DLGAP2: variants seen among roughly 807,000 people sequenced by gnomAD.
The protein encoded by DLGAP2 is disks large-associated protein 2.
In DLGAP2, 26 loss-of-function variants were observed where a neutral mutation model predicts 100.3. The observed-to-expected ratio is 0.26, with a 90% CI of 0.19 to 0.36. The LOEUF is 0.36. DLGAP2 is among the 10% of genes least tolerant of loss of function. The probability of loss-of-function intolerance (pLI) is 1.00; values close to 1 mark genes in which losing one functional copy is unlikely to be tolerated. For synonymous variants in DLGAP2, 886 were observed against 630.1 expected, an observed-to-expected ratio of 1.41 and a Z score of -6.08; for missense variants, 1,858 against 1,453.2, an observed-to-expected ratio of 1.28 and a Z score of -4.53.
intron 1 of DLGAP2, among the ~76,000 whole-genome samples, chr8:877,434 C>G (rs1238171759): frequency 6.6e-6 from 1 of 152,124 alleles, no homozygotes; most frequent in African/African-American, 2.4e-5. Context: ...TGGGTGTGAC[C>G]CCCTTACCTG....
Position 892,273 on chromosome 8 carries a change from C to T in DLGAP2, c.19-15639C>T, listed in dbSNP as rs1447694012. ...ACCCAGGCTCATAGCGGCTTGTGCA[C>T]AGCAGCCAGAGGTGGCAGCAGCTAG... On this transcript the variant is annotated intron_variant, in intron 1 of 14. Transcript: ENST00000637795. Among the ~76,000 whole-genome samples the T allele has an allele frequency of 2.0e-5, 3 of 152,214 alleles. No individual in the cohort carries two copies. The South Asian group carries it at 6.2e-4, about 32-fold the overall frequency.
chr8:812,129 C>T lies in DLGAP2; in HGVS notation c.18+74304C>T, dbSNP rs763112282. 3.9e-5 allele frequency among the ~76,000 whole-genome samples: 6 copies of T among 152,250 alleles called. No homozygotes were observed. The East Asian group carries it at 5.8e-4, about 15-fold the overall frequency. On this transcript the variant is annotated intron_variant, in intron 1 of 14. Transcript: ENST00000637795. ...GAGGGAAGGAGAGAGAGATTTAATG[C>T]GAGGAAGTGGCTTGCACAATTGCAG...
intron 1 of DLGAP2, among the ~76,000 whole-genome samples, chr8:836,918 G>T (rs766305812): frequency 6.6e-6 from 1 of 152,220 alleles, no homozygotes; most frequent in Non-Finnish European, 1.5e-5. Context: ...CAGCGCACAT[G>T]CACACACCTG....
chr8:1,632,785 C>G (rs373697861), intron 7 of DLGAP2, 42 bp from the exon 8 acceptor site: 23 of 1,548,478 alleles, frequency 1.5e-5, no homozygotes, highest in Non-Finnish European at 2.0e-5. Context: ...TGATGGTGAC[C>G]CTGGAGGGCC....
chr8:1,511,612 G>T (rs529046871), intron 4 of DLGAP2, among the ~76,000 whole-genome samples: 2 of 150,878 alleles, frequency 1.3e-5, no homozygotes, highest in Admixed American at 6.6e-5. Context: ...TGGACGTAAG[G>T]TCTGTCTAGT....
At chr8:1,310,058 CA>C (rs3052029) in intron 3 of DLGAP2, among the ~76,000 whole-genome samples, 20,250 of 105,600 alleles carry the variant, frequency 0.19, 1,133 homozygotes, top group Middle Eastern at 0.34. Flanking sequence ...GTCTCCATCT[CA>C]AAAAAAAAAA....
intron 3 of DLGAP2, among the ~76,000 whole-genome samples, chr8:1,275,640 A>G (rs888773779): frequency 2.7e-5 from 4 of 148,536 alleles, no homozygotes. Context: ...GGGTCCAAGT[A>G]GTTCTCACTC....
At chr8:764,496 C>G (rs2132595383) in intron 1 of DLGAP2, among the ~76,000 whole-genome samples, 1 of 152,280 alleles carries the variant, frequency 6.6e-6, no homozygotes, top group East Asian at 1.9e-4. Context: ...TGTCTTCTGA[C>G]AGGATAACAA....
intron 6 of DLGAP2, among the ~76,000 whole-genome samples, chr8:1,617,910 G>T (rs1375826041): frequency 6.6e-6 from 1 of 152,234 alleles, no homozygotes; most frequent in Admixed American, 6.5e-5. Flanking sequence ...AAAATGGTAG[G>T]CTTCAACCCA....
Position 1,705,140 on chromosome 8 carries a change from T to C in DLGAP2, c.*3734T>C, listed in dbSNP as rs1370738044. ...CGCCTGTGGTAACTGTGGAATGAGCTCTGTTAGGGACAGTTGTCTGGTTTG... is the reference window on the plus strand; with the variant it reads ...CGCCTGTGGTAACTGTGGAATGAGCCCTGTTAGGGACAGTTGTCTGGTTTG... On this transcript the variant is annotated 3_prime_UTR_variant, in exon 15 of 15. Coordinates refer to ENST00000637795, the MANE Select transcript of DLGAP2 (RefSeq NM_001346810.2). 7 of 152,350 alleles carry C rather than the reference T, an allele frequency of 4.6e-5. No homozygotes were observed. In the East Asian group the frequency reaches 1.4e-3, roughly 29 times the overall value. The allele number at this position is 152,350 out of a possible 1,614,324, so 9.4% of individuals were successfully genotyped here.
chr8:1,113,367 G>C (rs1215709188), intron 2 of DLGAP2, among the ~76,000 whole-genome samples: 1 of 152,114 alleles, frequency 6.6e-6, no homozygotes, highest in Admixed American at 6.5e-5. Flanking sequence ...TGCATTCTCA[G>C]ATTTCTTTGA....
intron 3 of DLGAP2, among the ~76,000 whole-genome samples, chr8:1,444,962 G>T (rs1485921027): frequency 6.6e-6 from 1 of 151,462 alleles, no homozygotes. Context: ...AGTAGAGACA[G>T]GGTTTCACCG....
At chr8:907,678 C>A (rs1354812505) in intron 1 of DLGAP2, among the ~76,000 whole-genome samples, 2 of 152,202 alleles carry the variant, frequency 1.3e-5, no homozygotes, top group African/African-American at 2.4e-5. Flanking sequence ...CGGCTGCATT[C>A]CCATTCCAGA....
intron 3 of DLGAP2, among the ~76,000 whole-genome samples, chr8:1,386,265 A>G (rs1176540434): frequency 6.6e-6 from 1 of 152,232 alleles, no homozygotes; most frequent in Non-Finnish European, 1.5e-5. Context: ...CACCAATTCT[A>G]GAAAAATCAC....
chr8:1,327,457 T>C (rs1801047101), intron 3 of DLGAP2, among the ~76,000 whole-genome samples: 1 of 152,238 alleles, frequency 6.6e-6, no homozygotes, highest in Non-Finnish European at 1.5e-5. Context: ...TGACTTCTCG[T>C]CATTTAGTTA....
chr8:1,020,195 C>G (rs938625728), intron 2 of DLGAP2, among the ~76,000 whole-genome samples: 4 of 152,140 alleles, frequency 2.6e-5, no homozygotes, highest in African/African-American at 9.7e-5. Flanking sequence ...TTATTTGTTT[C>G]TACAAGGAAG....
At chr8:1,489,499 C>G (rs980342837) in intron 3 of DLGAP2, among the ~76,000 whole-genome samples, 1 of 152,180 alleles carries the variant, frequency 6.6e-6, no homozygotes, top group African/African-American at 2.4e-5. Flanking sequence ...CTTTTCATTC[C>G]AGGCCATCTC....
intron 1 of DLGAP2, among the ~76,000 whole-genome samples, chr8:783,610 T>C (rs1821760212): frequency 6.6e-6 from 1 of 152,008 alleles, no homozygotes; most frequent in African/African-American, 2.4e-5. Flanking sequence ...AGTTGATTTC[T>C]TATCTTAGGG....
At chr8:1,434,224 T>C (rs2130014780) in intron 3 of DLGAP2, among the ~76,000 whole-genome samples, 1 of 152,290 alleles carries the variant, frequency 6.6e-6, no homozygotes, top group South Asian at 2.1e-4. Context: ...ATGTGGATTC[T>C]CAGACTGGCC....
Sources: gnomAD v4.1 joint callset for allele counts (sites outside exome capture counted in the v4.1 genomes callset) on GRCh38, gnomAD v4.1.1 for gene constraint, MANE v1.5 for transcripts, NCBI Gene and HGNC (gene_info 2026-07-23, HGNC 2026-07-21) for gene names.